The following NSD1 variants were observed in gnomAD, a reference collection of about 807,000 sequenced individuals.
The protein encoded by NSD1 is nuclear receptor binding SET domain protein 1, also known as histone-lysine N-methyltransferase, H3 lysine-36 specific.
Under a neutral mutation model 242.7 loss-of-function variants are expected in NSD1, and 26 were observed. The observed-to-expected ratio is 0.11, with a 90% CI of 0.08 to 0.15. The LOEUF is 0.15. Among genes scored for constraint, NSD1 ranks in the 10% least tolerant of loss-of-function variants. The pLI is 1.00. For synonymous variants in NSD1, 1,106 were observed against 1,178.1 expected (o/e 0.94, Z 1.25); for missense variants, 2,495 against 3,272.8 (o/e 0.76, Z 5.80).
At chr5:177,195,635 G>A (rs1485533738) in intron 3 of NSD1, among the ~76,000 whole-genome samples, 1 of 152,020 alleles carries the variant, frequency 6.6e-6, no homozygotes, top group Non-Finnish European at 1.5e-5. Flanking sequence ...GCCTGGCTTA[G>A]TTTTTAATTT....
intron 4 of NSD1, among the ~76,000 whole-genome samples, chr5:177,208,869 T>A (rs1458042161): frequency 6.6e-6 from 1 of 152,060 alleles, no homozygotes; most frequent in East Asian, 1.9e-4. Context: ...CTAATTTTTT[T>A]ATTTTTAGTA....
intron 5 of NSD1, among the ~76,000 whole-genome samples, chr5:177,224,487 ATTATT>A (rs1348521275): frequency 6.6e-6 from 1 of 151,888 alleles, no homozygotes; most frequent in African/African-American, 2.4e-5. Flanking sequence ...AATTTTGTAT[ATTATT>A]TTAATATTTA....
At position 177,260,675 on chromosome 5, in the gene NSD1, T is replaced by C. The variant is rs554505845; in HGVS notation, c.5146+507T>C. Among the ~76,000 whole-genome samples the C allele has an allele frequency of 2.6e-5, 4 of 152,234 alleles. No individual in the cohort carries two copies. In the South Asian group the frequency reaches 8.3e-4, roughly 32 times the overall value. On this transcript the variant is annotated intron_variant, in intron 14 of 22. Coordinates refer to ENST00000439151, the MANE Select transcript of NSD1 (RefSeq NM_022455.5). ...CAGAACTTTTTAAAACTTGGCTTTGTTGCCCAATAGGGAGAGGTTTTATTT... is the reference window on the plus strand; with the variant it reads ...CAGAACTTTTTAAAACTTGGCTTTGCTGCCCAATAGGGAGAGGTTTTATTT...
At chr5:177,149,890 T>C (rs1414396168) in intron 2 of NSD1, among the ~76,000 whole-genome samples, 1 of 152,104 alleles carries the variant, frequency 6.6e-6, no homozygotes, top group Non-Finnish European at 1.5e-5. Flanking sequence ...ACCCCTGTTC[T>C]AGATGATCCA....
chr5:177,145,610 T>C (rs952791515), intron 2 of NSD1, among the ~76,000 whole-genome samples: 19 of 152,052 alleles, frequency 1.2e-4, no homozygotes, highest in Admixed American at 3.9e-4. Context: ...TCACATGCAG[T>C]TGTAACAAAT....
chr5:177,235,698 A>G (rs1022185452), intron 5 of NSD1, 123 bp from the exon 6 acceptor site: 4 of 1,281,324 alleles, frequency 3.1e-6, no homozygotes, highest in African/African-American at 1.5e-5. Context: ...ATCTTAAGCC[A>G]TAGTCTATTT....
At chr5:177,252,541 T>G (rs899877929) in intron 12 of NSD1, among the ~76,000 whole-genome samples, 1 of 17,334 alleles carries the variant, frequency 5.8e-5, no homozygotes, top group African/African-American at 1.2e-4. Flanking sequence ...AAAGTGTTCT[T>G]TTTTTTTTTT....
chr5:177,188,031 G>A (rs904976466), intron 2 of NSD1, among the ~76,000 whole-genome samples: 1 of 152,170 alleles, frequency 6.6e-6, no homozygotes, highest in East Asian at 1.9e-4. Context: ...GCCAGTCTAA[G>A]CCTGGAAGAT....
intron 5 of NSD1, chr5:177,220,941 T>C (rs1764185488): frequency 2.3e-6 from 1 of 442,262 alleles, no homozygotes; most frequent in Admixed American, 2.4e-5. Flanking sequence ...CTCAGCTCAC[T>C]GCAACCTCCA....
chr5:177,192,002 C>T lies in NSD1; in HGVS notation c.1046C>T (p.Thr349Ile). The change falls in exon 3 of 23, where the codon ACA (threonine) becomes ATA (isoleucine). Residue 349 changes from threonine to isoleucine, a missense_variant. By Grantham distance (89) the Thr-to-Ile change is moderately conservative. Transcript: ENST00000439151. ...CRICSDPLIN[T>I]HSKMKVSNRR... The stretch of plus-strand genomic sequence containing the variant: ...ATTTGTTCTGATCCGTTGATTAACA[C>T]ACATTCAAAAATGAAAGGTAATACT... 6.2e-7 allele frequency: 1 copy of T among 1,614,092 alleles called. No homozygotes were observed. Among genetic ancestry groups the T allele is most frequent in the Non-Finnish European group, 8.5e-7 (1 of 1,179,990 alleles).
intron 8 of NSD1, among the ~76,000 whole-genome samples, chr5:177,241,684 G>A (rs1765883996): frequency 6.6e-6 from 1 of 152,060 alleles, no homozygotes; most frequent in Non-Finnish European, 1.5e-5. Context: ...CAGAATTATT[G>A]GTTATGGCTA....
intron 2 of NSD1, among the ~76,000 whole-genome samples, chr5:177,165,520 A>G (rs1384095537): frequency 6.6e-6 from 1 of 152,108 alleles, no homozygotes; most frequent in Non-Finnish European, 1.5e-5. Flanking sequence ...TATTTTGGAT[A>G]TTAAATCCTT....
intron 5 of NSD1, among the ~76,000 whole-genome samples, chr5:177,224,055 T>A (rs1333514035): frequency 6.6e-6 from 1 of 152,194 alleles, no homozygotes; most frequent in African/African-American, 2.4e-5. Context: ...AATTACAGTA[T>A]TTTTGTAGTA....
chr5:177,191,132 G>A (rs974582474), intron 2 of NSD1, among the ~76,000 whole-genome samples: 17 of 151,576 alleles, frequency 1.1e-4, no homozygotes, highest in Middle Eastern at 3.4e-3. Flanking sequence ...TAACACCCCC[G>A]GCTAATTTTT....
chr5:177,215,595 A>C (rs1354681397), intron 5 of NSD1, among the ~76,000 whole-genome samples: 1 of 151,392 alleles, frequency 6.6e-6, no homozygotes, highest in East Asian at 1.9e-4. Flanking sequence ...GCTGGAGTAT[A>C]ATGATGCGAT....
In NSD1 at chr5:177,221,303, T is replaced by TG. The variant is rs1325223845; in HGVS notation, c.3796+9108_3796+9109insG. On this transcript the variant is annotated intron_variant, in intron 5 of 22. Transcript: ENST00000439151. ...TCTTTCTGCCTTCCTTGTTTTTTGTTTTTTTTTTTAATTGACATACTTTGT... is the reference window on the plus strand; with the variant it reads ...TCTTTCTGCCTTCCTTGTTTTTTGTTGTTTTTTTTTAATTGACATACTTTGT... Among the ~76,000 whole-genome samples the TG allele has an allele frequency of 4.7e-5, 7 of 150,264 alleles. No homozygotes were observed. In the East Asian group the frequency reaches 1.2e-3, roughly 25 times the overall value.
rs1274471442 is a variant in NSD1, at chr5:177,204,275, A to C, written c.1219A>C (p.Lys407Gln). Residue 407 changes from lysine to glutamine, a missense_variant, in exon 4 of 23, where the codon AAA becomes CAA. By Grantham distance (53) the Lys-to-Gln change is moderately conservative (BLOSUM62 1). Coordinates refer to ENST00000439151, the MANE Select transcript of NSD1 (RefSeq NM_022455.5). ...TAGGAGAAGAGGGAAACAGAAAGAA[A>C]AAGGATATAGGCATAAGGTAGGAAA... ...VLRRRGKQKEKGYRHKVPQKI... is the reference protein window; with the variant it reads ...VLRRRGKQKEQGYRHKVPQKI... 1.2e-6 allele frequency: 2 copies of C among 1,613,984 alleles called. No homozygotes were observed. Among genetic ancestry groups the C allele is most frequent in the Non-Finnish European group, 1.7e-6 (2 of 1,179,900 alleles).
chr5:177,150,258 T>C (rs950540576), intron 2 of NSD1, among the ~76,000 whole-genome samples: 3 of 152,038 alleles, frequency 2.0e-5, no homozygotes, highest in Non-Finnish European at 4.4e-5. Context: ...CTCAGCCTCC[T>C]GTGTAGCTGG....
chr5:177,256,905 G>T, intron 12 of NSD1, 46 bp from the exon 13 acceptor site: 1 of 1,524,034 alleles, frequency 6.6e-7, no homozygotes, highest in Non-Finnish European at 9.1e-7. Context: ...TTAGCATTTG[G>T]TAGATTCTTG....
Sources: allele counts gnomAD v4.1 joint callset (sites outside exome capture counted in the v4.1 genomes callset), GRCh38; gene constraint gnomAD v4.1.1; transcripts MANE v1.5; gene names NCBI Gene and HGNC (gene_info 2026-07-23, HGNC 2026-07-21).